The following KLHL6 variants were observed in gnomAD, a reference collection of about 807,000 sequenced individuals.
KLHL6 encodes kelch like family member 6, also known as kelch-like protein 6.
KLHL6 carries 41 observed loss-of-function variants against 58.6 expected under a neutral mutation model. The ratio of observed to expected loss-of-function variants is 0.70; its 90% confidence interval spans 0.55 to 0.91. The LOEUF is 0.91. Ranked by LOEUF, KLHL6 falls within the 40% of genes least tolerant of loss-of-function variation. The pLI is 0.00. For synonymous variants in KLHL6, 338 were observed against 322.7 expected (o/e 1.05, Z -0.51); for missense variants, 714 against 805.6 (o/e 0.89, Z 1.38).
intron 1 of KLHL6, among the ~76,000 whole-genome samples, chr3:183,537,112 G>A (rs1712390931): frequency 6.6e-6 from 1 of 152,176 alleles, no homozygotes; most frequent in Admixed American, 6.5e-5. Context: ...AAACTAAGGG[G>A]AAATCTGCAT....
intron 2 of KLHL6, chr3:183,523,039 G>A (rs12108025): frequency 0.48 from 73,104 of 152,034 alleles, 18,905 homozygotes; most frequent in Non-Finnish European, 0.58. Context: ...TCCTGACCCC[G>A]TGATCCGCCT....
chr3:183,498,741 CA>C (rs1457040976), intron 4 of KLHL6, among the ~76,000 whole-genome samples: 1 of 152,232 alleles, frequency 6.6e-6, no homozygotes, highest in African/African-American at 2.4e-5. Context: ...GTGCTAGGTA[CA>C]GGGGCTATAG....
rs36060782 is a variant in KLHL6, at chr3:183,544,749, A to AACACACACACACACAC, written c.293+10596_293+10611dup. 7.5e-4 allele frequency: 86 copies of AACACACACACACACAC among 114,790 alleles called. 2 individuals are homozygous for AACACACACACACACAC. Among genetic ancestry groups the AACACACACACACACAC allele is most frequent in the Admixed American group, 1.3e-3 (14 of 10,928 alleles). The allele number at this position is 114,790 out of a possible 1,614,324, so 7.1% of individuals were successfully genotyped here. ...CTTCTGTCTCTCTCTCTGTCTCTCA[A>AACACACACACACACAC]ACACACACACACACACACACACACA... On this transcript the variant is annotated intron_variant, in intron 1 of 6. Transcript: ENST00000341319.
Position 183,499,857 on chromosome 3 carries a change from G to A in KLHL6, c.910-30C>T, listed in dbSNP as rs1577177759. On this transcript the variant is annotated intron_variant, in intron 3 of 6. Coordinates refer to ENST00000341319, the MANE Select transcript of KLHL6 (RefSeq NM_130446.4). The surrounding 1 kb of genome is among the most constrained non-coding windows in gnomAD (Gnocchi z 4.6). ...AAATCGATGGGGGTACATGAAGGCAGGGACAACACAAAGTTTCAGAGCTCG... is the reference window on the plus strand; with the variant it reads ...AAATCGATGGGGGTACATGAAGGCAAGGACAACACAAAGTTTCAGAGCTCG... The A allele has an allele frequency of 6.9e-7, 1 of 1,455,394 alleles. No individual in the cohort carries two copies. The highest frequency in any genetic ancestry group is 1.5e-5 in the South Asian group (1 of 67,132). The allele number at this position is 1,455,394 out of a possible 1,614,324, so 90.2% of individuals were successfully genotyped here. A position where few individuals can be genotyped will look rare whatever the true frequency, so the allele number is the denominator to read the frequency against.
chr3:183,519,708 G>GAGA (rs1478651852), intron 2 of KLHL6, among the ~76,000 whole-genome samples: 1 of 151,606 alleles, frequency 6.6e-6, no homozygotes, highest in Non-Finnish European at 1.5e-5. Context: ...GCAACAGAGA[G>GAGA]AGACTTTGTC....
Position 183,491,973 on chromosome 3 carries a change from G to A in KLHL6, c.1820C>T (p.Ser607Leu). 3 of 1,565,372 alleles carry A rather than the reference G, an allele frequency of 1.9e-6. No homozygotes were observed. The highest frequency in any genetic ancestry group is 2.6e-6 in the Non-Finnish European group (3 of 1,153,848). Residue 607 changes from serine (S) to leucine (L), a missense_variant, in exon 7 of 7, where the codon TCG becomes TTG. This residue lies in a region of KLHL6 where 510 missense variants were observed against 629.7 expected (regional missense o/e 0.81). Coordinates refer to ENST00000341319, the MANE Select transcript of KLHL6 (RefSeq NM_130446.4). ...SHHGSVTIRK[S>L]YTHIRRIVPG... ...CACGATCCTGCGGATGTGGGTGTAC[G>A]ACTTCCTGATGGTGACGCTGCCGTG... is the stretch of plus-strand genomic sequence containing the variant.
At position 183,493,386 on chromosome 3, in the gene KLHL6, G is replaced by C. The variant is rs1372680396; in HGVS notation, c.1351-679C>G. 1.9e-5 allele frequency: 3 copies of C among 154,160 alleles called. No homozygotes were observed. In the East Asian group the frequency reaches 5.8e-4, roughly 30 times the overall value. 9.5% of individuals were successfully genotyped at this position (154,160 alleles called of 1,614,324 possible). A position where few individuals can be genotyped will look rare whatever the true frequency, so the allele number is the denominator to read the frequency against. Reference sequence around the variant, plus strand: ...GGGCTCTCAATATAGCACTTTTCAGGCTGACAGTCTTGGCTAGATGTGGTG... The same window carrying C: ...GGGCTCTCAATATAGCACTTTTCAGCCTGACAGTCTTGGCTAGATGTGGTG... On this transcript the variant is annotated intron_variant, in intron 5 of 6. Transcript: ENST00000341319.
rs557732090 is a variant in KLHL6 at position 183,498,552 on chromosome 3, A to C, written c.1147+1038T>G. On this transcript the variant is annotated intron_variant, in intron 4 of 6. Transcript: ENST00000341319. ...CAGTGTGCGACCTTAGGTATGTCTG[A>C]GTATCTCTCTGAGCCTCTGTTTTCT... Among the ~76,000 whole-genome samples the C allele has an allele frequency of 6.8e-4, 103 of 152,334 alleles. 2 individuals carry two copies. Among genetic ancestry groups the C allele is most frequent in the African/African-American group, 2.4e-3 (101 of 41,588 alleles).
intron 1 of KLHL6, among the ~76,000 whole-genome samples, chr3:183,546,268 C>T (rs1215311900): frequency 6.6e-6 from 1 of 152,194 alleles, no homozygotes; most frequent in Non-Finnish European, 1.5e-5. Context: ...CCCCTCATAA[C>T]TGTGTAGTTT....
chr3:183,542,513 A>T, intron 1 of KLHL6, among the ~76,000 whole-genome samples: 1 of 152,060 alleles, frequency 6.6e-6, no homozygotes. Flanking sequence ...CTTCTGGCCA[A>T]TGCCTACTCA....
At chr3:183,511,345 G>A (rs776093108) in intron 2 of KLHL6, among the ~76,000 whole-genome samples, 1 of 152,220 alleles carries the variant, frequency 6.6e-6, no homozygotes, top group Non-Finnish European at 1.5e-5. Flanking sequence ...CCCGCCACAG[G>A]GCGGTTTTTC....
intron 3 of KLHL6, among the ~76,000 whole-genome samples, chr3:183,505,619 A>G (rs993718991): frequency 6.6e-6 from 1 of 152,172 alleles, no homozygotes; most frequent in Non-Finnish European, 1.5e-5. Context: ...AGAAAAATCA[A>G]TAAAATTGAT....
In KLHL6 at chr3:183,546,043, G is replaced by A. The variant is rs182837941; in HGVS notation, c.293+9318C>T. 7.2e-4 allele frequency among the ~76,000 whole-genome samples: 109 copies of A among 152,276 alleles called. 1 individual carries two copies. The highest frequency in any genetic ancestry group is 2.5e-3 in the African/African-American group (102 of 41,558). Reference sequence around the variant, plus strand: ...GCAATGGCATCGAGGAGAAGAATAAGGTGGTCACTGCCTTCACATGGCTTG... The same window carrying A: ...GCAATGGCATCGAGGAGAAGAATAAAGTGGTCACTGCCTTCACATGGCTTG... On this transcript the variant is annotated intron_variant, in intron 1 of 6. Coordinates refer to ENST00000341319, the MANE Select transcript of KLHL6 (RefSeq NM_130446.4).
rs1163309599 is a variant in KLHL6 at position 183,491,312 on chromosome 3, C to G, written c.*615G>C. The stretch of plus-strand genomic sequence containing the variant: ...TTTAGTAGAGACGGGGCGGTCTCAC[C>G]ATGTTGGCCAGGCTGGTCTTGAACT... On this transcript the variant is annotated 3_prime_UTR_variant, in exon 7 of 7. Transcript: ENST00000341319. 1 of 152,212 alleles carries G rather than the reference C, an allele frequency of 6.6e-6. No individual in the cohort carries two copies. The highest frequency in any genetic ancestry group is 1.5e-5 in the Non-Finnish European group (1 of 68,088). The allele number at this position is 152,212 out of a possible 1,614,324, so 9.4% of individuals were successfully genotyped here.
intron 1 of KLHL6, among the ~76,000 whole-genome samples, chr3:183,545,350 C>T (rs544153041): frequency 1.8e-4 from 28 of 152,296 alleles, no homozygotes; most frequent in Non-Finnish European, 3.4e-4. Flanking sequence ...CTGTTTGGTG[C>T]TTACCATGTT....
Position 183,555,472 on chromosome 3 carries a change from C to T in KLHL6, c.182G>A (p.Gly61Asp). Residue 61 changes from glycine to aspartate, a missense_variant, in exon 1 of 7, where the codon GGC becomes GAC. By Grantham distance (94) the Gly-to-Asp change is moderately conservative. This residue lies in a region of KLHL6 where 204 missense variants were observed against 175.9 expected (regional missense o/e 1.16). Transcript: ENST00000341319. Reference sequence around the variant, plus strand: ...GTTTTCCATTCGCAGGGTTTCCAGGCCATTCTGAAGAATTAAGGAGAGTCC... The same window carrying T: ...GTTTTCCATTCGCAGGGTTTCCAGGTCATTCTGAAGAATTAAGGAGAGTCC... ...DAGLSLILQN[G>D]LETLRMENAL... 6.2e-7 allele frequency: 1 copy of T among 1,614,190 alleles called. No homozygotes were observed. Among genetic ancestry groups the T allele is most frequent in the Non-Finnish European group, 8.5e-7 (1 of 1,180,026 alleles).
At chr3:183,527,423 G>T (rs1712010198) in intron 2 of KLHL6, among the ~76,000 whole-genome samples, 1 of 152,090 alleles carries the variant, frequency 6.6e-6, no homozygotes, top group Non-Finnish European at 1.5e-5. Context: ...ACCCAAAACT[G>T]AAAGGAGAAC....
At chr3:183,495,592 C>A (rs1234406730) in intron 4 of KLHL6, among the ~76,000 whole-genome samples, 4 of 135,680 alleles carry the variant, frequency 2.9e-5, no homozygotes, top group South Asian at 2.4e-4. Context: ...AAAAAAAAAA[C>A]CCTGAGAAAG....
At position 183,499,208 on chromosome 3, in the gene KLHL6, G is replaced by T. The variant is rs560968005; in HGVS notation, c.1147+382C>A. ...AGTACAAAAATTAGCTGGGCATGGTGGCAGGCACCTGATTGTAATCCCAGC... is the reference window on the plus strand; with the variant it reads ...AGTACAAAAATTAGCTGGGCATGGTTGCAGGCACCTGATTGTAATCCCAGC... On this transcript the variant is annotated intron_variant, in intron 4 of 6. Coordinates refer to ENST00000341319, the MANE Select transcript of KLHL6 (RefSeq NM_130446.4). The surrounding 1 kb of genome is among the most constrained non-coding windows in gnomAD (Gnocchi z 4.6). Among the ~76,000 whole-genome samples the T allele has an allele frequency of 3.7e-4, 57 of 152,212 alleles. No individual in the cohort carries two copies. Among genetic ancestry groups the T allele is most frequent in the African/African-American group, 1.3e-3 (55 of 41,552 alleles).
Sources: allele counts gnomAD v4.1 joint callset (sites outside exome capture counted in the v4.1 genomes callset), GRCh38; gene constraint gnomAD v4.1.1; regional missense constraint gnomAD v4.1.1; non-coding constraint Gnocchi (gnomAD v3.1); transcripts MANE v1.5; gene names NCBI Gene and HGNC (gene_info 2026-07-23, HGNC 2026-07-21).